The following FARS2 variants were observed in gnomAD, a reference collection of about 807,000 sequenced individuals.
FARS2 encodes phenylalanine--tRNA ligase, mitochondrial.
Under a neutral mutation model 46.4 loss-of-function variants are expected in FARS2, and 40 were observed. That is an observed-to-expected ratio of 0.86 (90% CI 0.67 to 1.12). The LOEUF (loss-of-function observed/expected upper bound fraction) is 1.12, where lower values mean the gene tolerates loss of function less well. Ranked by LOEUF, FARS2 falls within the 50% of genes most tolerant of loss-of-function variation. FARS2 has a pLI of 0.00. For missense variants in FARS2, 513 were observed against 567.9 expected, an observed-to-expected ratio of 0.90 and a Z score of 0.98; for synonymous variants, 234 against 214.9, an observed-to-expected ratio of 1.09 and a Z score of -0.78.
intron 6 of FARS2, among the ~76,000 whole-genome samples, chr6:5,648,020 A>T (rs934005765): frequency 6.6e-5 from 10 of 152,232 alleles, no homozygotes; most frequent in African/African-American, 2.4e-4. Context: ...TTCTTGTGAG[A>T]ATTAAATAAA....
At chr6:5,278,208 A>G (rs538995630) in intron 1 of FARS2, among the ~76,000 whole-genome samples, 58 of 152,112 alleles carry the variant, frequency 3.8e-4, no homozygotes, top group African/African-American at 1.3e-3. Context: ...TTCCTCCTTT[A>G]CTTTCTTCAG....
intron 4 of FARS2, among the ~76,000 whole-genome samples, chr6:5,484,338 A>G (rs1250400215): frequency 6.6e-6 from 1 of 152,104 alleles, no homozygotes; most frequent in Non-Finnish European, 1.5e-5. Context: ...CTCATCATGT[A>G]TTTGCGTCTA....
intron 4 of FARS2, among the ~76,000 whole-genome samples, chr6:5,465,361 C>A (rs566350355): frequency 1.3e-5 from 2 of 152,246 alleles, no homozygotes; most frequent in East Asian, 3.9e-4. Context: ...GATGTGCATA[C>A]TTTTTATTTG....
intron 6 of FARS2, among the ~76,000 whole-genome samples, chr6:5,668,517 A>C (rs1025973569): frequency 6.6e-6 from 1 of 152,172 alleles, no homozygotes; most frequent in African/African-American, 2.4e-5. Context: ...AAATGAATTG[A>C]GGTTTAGATG....
At chr6:5,548,252 G>T (rs117992483) in intron 5 of FARS2, among the ~76,000 whole-genome samples, 1 of 152,142 alleles carries the variant, frequency 6.6e-6, no homozygotes. Flanking sequence ...AGATTTGGGC[G>T]GGGACACAGC....
chr6:5,263,891 A>ATAG (rs1483722287), intron 1 of FARS2, among the ~76,000 whole-genome samples: 2 of 152,302 alleles, frequency 1.3e-5, no homozygotes, highest in East Asian at 3.9e-4. Flanking sequence ...TAAAATTTGT[A>ATAG]TAGTAGTAGT....
rs146042258 is a variant in FARS2, at chr6:5,308,440, C to T, written c.-22+46780C>T. ...CAAGGCAAGAGGTGATGGTACCCTG[C>T]ATGCTTGTGCTTCCTAAACCATCTC... On this transcript the variant is annotated intron_variant, in intron 1 of 6. Coordinates refer to ENST00000274680, the MANE Select transcript of FARS2 (RefSeq NM_006567.5). Among the ~76,000 whole-genome samples the T allele has an allele frequency of 3.9e-5, 6 of 152,336 alleles. No homozygotes were observed. In the East Asian group the frequency reaches 9.6e-4, roughly 24 times the overall value.
chr6:5,363,499 A>G (rs1048356198), intron 1 of FARS2, among the ~76,000 whole-genome samples: 1 of 151,788 alleles, frequency 6.6e-6, no homozygotes, highest in Admixed American at 6.6e-5. Flanking sequence ...ACCCAGCATC[A>G]CATGTAGTGC....
At chr6:5,584,108 G>GACACACACACACAACACACACACACACAC (rs1773483715) in intron 5 of FARS2, among the ~76,000 whole-genome samples, 1 of 122,882 alleles carries the variant, frequency 8.1e-6, no homozygotes, top group African/African-American at 3.5e-5. Context: ...TTCTCTCTCT[G>GACACACACACACAACACACACACACACAC]ACACACACAC....
chr6:5,746,252 A>G (rs370970310), intron 6 of FARS2, among the ~76,000 whole-genome samples: 2 of 152,242 alleles, frequency 1.3e-5, no homozygotes, highest in East Asian at 3.9e-4. Context: ...ATGAACAAAG[A>G]CAGTGACACG....
chr6:5,549,507 T>C (rs1322935868), intron 5 of FARS2, among the ~76,000 whole-genome samples: 3 of 152,214 alleles, frequency 2.0e-5, no homozygotes, highest in Non-Finnish European at 4.4e-5. Flanking sequence ...ATCACAGCCA[T>C]GCATCATGTT....
intron 4 of FARS2, among the ~76,000 whole-genome samples, chr6:5,449,483 A>G (rs1018715708): frequency 6.6e-6 from 1 of 152,142 alleles, no homozygotes; most frequent in African/African-American, 2.4e-5. Context: ...AGAAAAATAA[A>G]TATTCTCCTG....
chr6:5,707,672 C>A (rs994753917), intron 6 of FARS2, among the ~76,000 whole-genome samples: 7 of 152,196 alleles, frequency 4.6e-5, no homozygotes, highest in East Asian at 1.9e-4. Context: ...AGGGGAAGGG[C>A]AAATCTGAGC....
intron 4 of FARS2, among the ~76,000 whole-genome samples, chr6:5,444,502 G>A (rs1197695106): frequency 0.016 from 2,211 of 137,984 alleles, 38 homozygotes; most frequent in Non-Finnish European, 0.026. Flanking sequence ...AAGAGAGAGA[G>A]AGAGAGAGAG....
rs983550849 is a variant in FARS2, at chr6:5,532,654, G to A, written c.905-12526G>A. ...TAATCCCAGCTACTCGGGAGGCTGA[G>A]GCAGGAGAATTGCTTCAACCTGGGA... is the stretch of plus-strand genomic sequence containing the variant. On this transcript the variant is annotated intron_variant, in intron 4 of 6. Coordinates refer to ENST00000274680, the MANE Select transcript of FARS2 (RefSeq NM_006567.5). 2.2e-4 allele frequency among the ~76,000 whole-genome samples: 33 copies of A among 152,310 alleles called. 1 individual carries two copies. The Middle Eastern group carries it at 0.01, about 47-fold the overall frequency.
chr6:5,628,444 A>G (rs1218758168), intron 6 of FARS2, among the ~76,000 whole-genome samples: 9 of 152,202 alleles, frequency 5.9e-5, no homozygotes, highest in Non-Finnish European at 2.9e-5. Context: ...TTCTAGAAGC[A>G]GCTTCTTCCC....
intron 5 of FARS2, chr6:5,610,308 T>G: frequency 2.7e-6 from 1 of 372,602 alleles, no homozygotes; most frequent in Non-Finnish European, 4.6e-6. Flanking sequence ...TTTCAATTCT[T>G]TTTAAAAAAA....
At chr6:5,709,731 T>TGGG (rs1554128007) in intron 6 of FARS2, among the ~76,000 whole-genome samples, 1 of 132,388 alleles carries the variant, frequency 7.6e-6, no homozygotes, top group Non-Finnish European at 1.5e-5. Context: ...GGGGTGGGGT[T>TGGG]GTGTGTGTGT....
chr6:5,569,783 G>A (rs1223568112), intron 5 of FARS2, among the ~76,000 whole-genome samples: 1 of 152,118 alleles, frequency 6.6e-6, no homozygotes, highest in African/African-American at 2.4e-5. Flanking sequence ...ATATTGTTAT[G>A]GGGGAGAGGT....
Sources: gnomAD v4.1 joint callset for allele counts (sites outside exome capture counted in the v4.1 genomes callset) on GRCh38, gnomAD v4.1.1 for gene constraint, MANE v1.5 for transcripts, NCBI Gene and HGNC (gene_info 2026-07-23, HGNC 2026-07-21) for gene names.